PAPPA2: variants seen among roughly 807,000 people sequenced by gnomAD.
PAPPA2 encodes pappalysin-2.
A neutral mutation model predicts 176.4 loss-of-function variants in PAPPA2; 86 were observed. That is an observed-to-expected ratio of 0.49 (90% confidence interval 0.41 to 0.58). PAPPA2 has a LOEUF of 0.58. Ranked by LOEUF, PAPPA2 falls within the 20% of genes least tolerant of loss-of-function variation. The probability of loss-of-function intolerance (pLI) is 0.00; values close to 1 mark genes in which losing one functional copy is unlikely to be tolerated. For synonymous variants in PAPPA2, 809 were observed against 852.2 expected (o/e 0.95, Z 0.88); for missense variants, 2,073 against 2,256.9 (o/e 0.92, Z 1.65).
intron 1 of PAPPA2, among the ~76,000 whole-genome samples, chr1:176,531,644 A>G (rs1291484270): frequency 2.6e-5 from 4 of 151,980 alleles, no homozygotes; most frequent in African/African-American, 9.7e-5. Flanking sequence ...ATTTGTGGCA[A>G]CTCCTTACAA....
intron 17 of PAPPA2, among the ~76,000 whole-genome samples, chr1:176,785,759 C>T (rs1664908695): frequency 1.3e-5 from 2 of 152,288 alleles, no homozygotes; most frequent in South Asian, 4.1e-4. Context: ...CAAGTTTGAT[C>T]TGTCTACTCT....
chr1:176,796,170 G>A (rs1451030213), intron 20 of PAPPA2, among the ~76,000 whole-genome samples: 1 of 152,118 alleles, frequency 6.6e-6, no homozygotes, highest in Admixed American at 6.5e-5. Context: ...GTCATGGAAA[G>A]GTCTTCTTTT....
chr1:176,504,131 G>C (rs1346064865), intron 1 of PAPPA2, among the ~76,000 whole-genome samples: 2 of 152,046 alleles, frequency 1.3e-5, no homozygotes, highest in African/African-American at 2.4e-5. Context: ...CTGTGACACT[G>C]CTGGGGGAAT....
At chr1:176,505,668 A>G (rs1450302615) in intron 1 of PAPPA2, among the ~76,000 whole-genome samples, 3 of 152,068 alleles carry the variant, frequency 2.0e-5, no homozygotes. Context: ...AACAGCAACA[A>G]CAACAACAAA....
chr1:176,772,141 C>T (rs1181154720), intron 17 of PAPPA2, among the ~76,000 whole-genome samples: 5 of 152,144 alleles, frequency 3.3e-5, no homozygotes, highest in African/African-American at 4.8e-5. Context: ...TCTGAGTGAA[C>T]GAAAAGCTTT....
intron 2 of PAPPA2, among the ~76,000 whole-genome samples, chr1:176,573,951 G>A (rs774805118): frequency 4.9e-5 from 7 of 143,680 alleles, no homozygotes; most frequent in Non-Finnish European, 7.7e-5. Flanking sequence ...GGTGGGAAAG[G>A]GTAATAAATG....
intron 17 of PAPPA2, among the ~76,000 whole-genome samples, chr1:176,786,628 C>T (rs1664944706): frequency 6.6e-6 from 1 of 152,254 alleles, no homozygotes; most frequent in Non-Finnish European, 1.5e-5. Context: ...AGGATGAGGA[C>T]GCATTAATAA....
At chr1:176,607,998 G>C (rs1032363100) in intron 3 of PAPPA2, among the ~76,000 whole-genome samples, 2 of 152,194 alleles carry the variant, frequency 1.3e-5, no homozygotes, top group African/African-American at 4.8e-5. Flanking sequence ...AAACAAGTAT[G>C]AGTGAAACTG....
rs201994613 is a variant in PAPPA2 at position 176,740,143 on chromosome 1, G to A, written c.4098G>A (p.Ser1366=). Reference sequence around the variant, plus strand: ...GGACATCCTCCCGCATTGGTCTTTCGGCTCCCAGTAACTGCATCTCAGAGG... The same window carrying A: ...GGACATCCTCCCGCATTGGTCTTTCAGCTCCCAGTAACTGCATCTCAGAGG... ...ALRTSSRIGL[S]APSNCISEDE... Residue 1366 remains serine, a synonymous_variant, in exon 14 of 23, where the codon TCG becomes TCA. Transcript: ENST00000367662. 2.3e-5 allele frequency: 37 copies of A among 1,613,738 alleles called. No homozygotes were observed. In the African/African-American group the frequency reaches 3.3e-4, roughly 15 times the overall value.
intron 2 of PAPPA2, among the ~76,000 whole-genome samples, chr1:176,584,246 T>C (rs1653156168): frequency 6.6e-6 from 1 of 152,194 alleles, no homozygotes; most frequent in Admixed American, 6.5e-5. Flanking sequence ...ATCTGTCCAA[T>C]ACTGAGAATG....
At chr1:176,632,123 G>T (rs1656372045) in intron 3 of PAPPA2, among the ~76,000 whole-genome samples, 1 of 152,140 alleles carries the variant, frequency 6.6e-6, no homozygotes, top group Admixed American at 6.6e-5. Context: ...AGACAGTGAA[G>T]ATTTTCACTC....
At chr1:176,685,370 T>C (rs999054748) in intron 4 of PAPPA2, among the ~76,000 whole-genome samples, 2 of 152,136 alleles carry the variant, frequency 1.3e-5, no homozygotes, top group African/African-American at 2.4e-5. Context: ...TCAGGATCAA[T>C]ACTTTTACAG....
At chr1:176,657,009 G>A (rs1658072237) in intron 3 of PAPPA2, among the ~76,000 whole-genome samples, 1 of 151,822 alleles carries the variant, frequency 6.6e-6, no homozygotes, top group South Asian at 2.1e-4. Context: ...ACCCTGTGCT[G>A]AACACTCAAG....
At chr1:176,585,387 T>A (rs1653247771) in intron 2 of PAPPA2, among the ~76,000 whole-genome samples, 1 of 152,188 alleles carries the variant, frequency 6.6e-6, no homozygotes, top group Admixed American at 6.5e-5. Context: ...TTCCCTTATA[T>A]GTGACTTGGT....
intron 15 of PAPPA2, 119 bp downstream of exon 15, chr1:176,765,956 A>T (rs1296471106): frequency 8.5e-7 from 1 of 1,181,984 alleles, no homozygotes; most frequent in East Asian, 2.5e-5. Context: ...AAAGCAAAAC[A>T]TGGGGGCTCT....
intron 2 of PAPPA2, among the ~76,000 whole-genome samples, chr1:176,581,780 T>A (rs12145383): frequency 0.14 from 21,320 of 151,924 alleles, 1,552 homozygotes; most frequent in Middle Eastern, 0.19. Context: ...CATATAAAAA[T>A]GTTACTGATT....
At chr1:176,801,698 G>A (rs981356881) in intron 21 of PAPPA2, among the ~76,000 whole-genome samples, 18 of 152,052 alleles carry the variant, frequency 1.2e-4, no homozygotes, top group African/African-American at 3.9e-4. Flanking sequence ...ACAGAAGACT[G>A]GGGAGCTGGG....
chr1:176,519,178 A>G (rs1649079896), intron 1 of PAPPA2, among the ~76,000 whole-genome samples: 1 of 152,204 alleles, frequency 6.6e-6, no homozygotes, highest in Non-Finnish European at 1.5e-5. Context: ...TTTGCAAAAT[A>G]GAGTAAGACA....
chr1:176,643,330 G>A (rs534410874), intron 3 of PAPPA2, among the ~76,000 whole-genome samples: 1 of 151,364 alleles, frequency 6.6e-6, no homozygotes, highest in East Asian at 2.0e-4. Context: ...AGAGATTAGT[G>A]AATATTTCTG....
Sources: allele counts gnomAD v4.1 joint callset (sites outside exome capture counted in the v4.1 genomes callset), GRCh38; gene constraint gnomAD v4.1.1; transcripts MANE v1.5; gene names NCBI Gene and HGNC (gene_info 2026-07-23, HGNC 2026-07-21).